Variants in BRCA1 observed in about 807,000 individuals in gnomAD.
The protein encoded by BRCA1 is BRCA1 DNA repair associated, also known as breast cancer type 1 susceptibility protein.
In BRCA1, 140 loss-of-function variants were observed where a neutral mutation model predicts 173.7. The observed-to-expected ratio is 0.81, with a 90% CI of 0.70 to 0.93. The LOEUF (loss-of-function observed/expected upper bound fraction) is 0.93. Among genes scored for constraint, BRCA1 ranks in the 40% least tolerant of loss-of-function variants. The pLI, the probability that BRCA1 is intolerant of heterozygous loss-of-function variation, is 0.00. For synonymous variants in BRCA1, 662 were observed against 756.0 expected (o/e 0.88, Z 2.04); for missense variants, 1,983 against 2,172.5 (o/e 0.91, Z 1.73).
At chr17:43,103,980 G>A (rs2054601114) in intron 6 of BRCA1, 142 bp downstream of exon 6, 5 of 1,040,474 alleles carry the variant, frequency 4.8e-6, no homozygotes, top group Non-Finnish European at 7.1e-6. Flanking sequence ...GGTGGCGCGT[G>A]CCTGTAATCC....
chr17:43,079,401 T>A, intron 12 of BRCA1: 1 of 1,595,740 alleles, frequency 6.3e-7, no homozygotes, highest in Middle Eastern at 1.7e-4. Flanking sequence ...TATGCGAATC[T>A]GTAAGAAAGG....
At chr17:43,116,963 C>G (rs574464034) in intron 2 of BRCA1, among the ~76,000 whole-genome samples, 1 of 152,330 alleles carries the variant, frequency 6.6e-6, no homozygotes, top group Admixed American at 6.5e-5. Context: ...ACTTGTTCCT[C>G]TAGCCTTATT....
chr17:43,170,003 C>A, intron 1 of BRCA1: 1 of 464,546 alleles, frequency 2.2e-6, no homozygotes. Context: ...TGATCTTATC[C>A]TCCGTAAAGG....
Position 43,093,444 on chromosome 17 carries a change from G to C in BRCA1, c.2087C>G (p.Thr696Ser), listed in dbSNP as rs1334969117. Residue 696 changes from threonine to serine, a missense_variant, in exon 10 of 23, where the codon ACT becomes AGT. Physicochemically the swap from Thr to Ser is moderately conservative, Grantham distance 58 (BLOSUM62 1). Transcript: ENST00000357654. ...ATTTGTTAACTTCAGCTCTGGGAAA[G>C]TATCGCTGTCATGTCTTTTACTTGT... The part of the protein sequence containing the change: ...EQTSKRHDSD[T>S]FPELKLTNAP... 6.2e-7 allele frequency: 1 copy of C among 1,614,054 alleles called. No homozygotes were observed. The highest frequency in any genetic ancestry group is 8.5e-7 in the Non-Finnish European group (1 of 1,179,968).
Position 43,091,942 on chromosome 17 carries a change from G to A in BRCA1, c.3589C>T (p.His1197Tyr), listed in dbSNP as rs2154300713. The change falls in exon 10 of 23, where the codon CAT becomes TAT. Residue 1197 changes from histidine to tyrosine, a missense_variant. His to Tyr is a moderately conservative substitution (Grantham distance 83, BLOSUM62 2). Coordinates refer to ENST00000357654, the MANE Select transcript of BRCA1 (RefSeq NM_007294.4). Reference protein sequence around the residue: ...SRSPSPFTHTHLAQGYRRGAK... With the variant: ...SRSPSPFTHTYLAQGYRRGAK... ...CCTCTTCGGTAACCCTGAGCCAAATGTGTATGGGTGAAAGGGCTAGGACTC... is the reference window on the plus strand; with the variant it reads ...CCTCTTCGGTAACCCTGAGCCAAATATGTATGGGTGAAAGGGCTAGGACTC... The A allele has an allele frequency of 2.5e-6, 4 of 1,614,126 alleles. No homozygotes were observed. Among genetic ancestry groups the A allele is most frequent in the Non-Finnish European group, 3.4e-6 (4 of 1,180,010 alleles).
chr17:43,055,246 T>G (rs556307724), intron 19 of BRCA1, among the ~76,000 whole-genome samples: 17 of 152,360 alleles, frequency 1.1e-4, no homozygotes, highest in African/African-American at 4.1e-4. Flanking sequence ...GAGAAAGTCA[T>G]TGAGTCTTCT....
At chr17:43,165,957 G>A (rs879356734) in intron 1 of BRCA1, 7 of 151,918 alleles carry the variant, frequency 4.6e-5, no homozygotes, top group Admixed American at 1.3e-4. Context: ...AACCTTCTAA[G>A]TTTGGGATTT....
At chr17:43,123,078 A>G (rs1157899424) in intron 2 of BRCA1, among the ~76,000 whole-genome samples, 2 of 151,608 alleles carry the variant, frequency 1.3e-5, no homozygotes, top group African/African-American at 4.8e-5. Flanking sequence ...AAAAAATACA[A>G]AAATTAGCTG....
chr17:43,105,054 A>G (rs2154552996), intron 4 of BRCA1, 98 bp from the exon 5 acceptor site: 5 of 964,032 alleles, frequency 5.2e-6, no homozygotes, highest in African/African-American at 1.6e-5. Context: ...TAAAAATAAG[A>G]TGCAGCAACA....
intron 1 of BRCA1, chr17:43,162,557 A>C (rs965294605): frequency 1.3e-5 from 2 of 152,162 alleles, no homozygotes; most frequent in African/African-American, 4.8e-5. Context: ...TTATACAAAC[A>C]AGTTATTTTT....
At chr17:43,065,789 A>G (rs2052044081) in intron 16 of BRCA1, among the ~76,000 whole-genome samples, 1 of 152,202 alleles carries the variant, frequency 6.6e-6, no homozygotes, top group East Asian at 1.9e-4. Context: ...TGCGTCCTCC[A>G]TGCACTCGTC....
intron 3 of BRCA1, chr17:43,110,587 CAA>C (rs201518255): frequency 0.055 from 14,408 of 262,892 alleles, no homozygotes; most frequent in South Asian, 0.084. Flanking sequence ...GACCCTGTCT[CAA>C]AAAAAAAAAA....
chr17:43,076,875 G>T (rs2052758807), intron 12 of BRCA1, among the ~76,000 whole-genome samples: 1 of 151,416 alleles, frequency 6.6e-6, no homozygotes, highest in South Asian at 2.1e-4. Flanking sequence ...ACCCAGCTGA[G>T]ACAAGGCTGA....
rs537703484 is a variant in BRCA1 at position 43,044,427 on chromosome 17, A to G, written c.*1251T>C. ...GGAAGACCTAGTCCTTCCAACAGCT[A>G]TAAACAGTCCTGGATAATGGGTTTA... On this transcript the variant is annotated 3_prime_UTR_variant, in exon 23 of 23. Transcript: ENST00000357654. The G allele has an allele frequency of 3.9e-6, 2 of 507,098 alleles. No individual in the cohort carries two copies. The highest frequency in any genetic ancestry group is 8.8e-5 in the East Asian group (2 of 22,726). 31.4% of individuals were successfully genotyped at this position (507,098 alleles called of 1,614,324 possible). A position where few individuals can be genotyped will look rare whatever the true frequency, so the allele number is the denominator to read the frequency against.
intron 5 of BRCA1, among the ~76,000 whole-genome samples, chr17:43,104,469 C>G (rs2054652008): frequency 6.6e-6 from 1 of 152,060 alleles, no homozygotes; most frequent in African/African-American, 2.4e-5. Context: ...CACAGACCAT[C>G]AAAGTTATTT....
chr17:43,079,209 G>A, intron 12 of BRCA1: 2 of 758,910 alleles, frequency 2.6e-6, no homozygotes, highest in East Asian at 2.6e-5. Context: ...CAAAAAAAAT[G>A]AAAGGCAGAG....
At chr17:43,131,218 C>A (rs560954044) in intron 1 of BRCA1, 6 of 292,996 alleles carry the variant, frequency 2.0e-5, no homozygotes, top group South Asian at 2.0e-4. Context: ...GTAAAAGTTT[C>A]ATTTGATCTG....
rs80358104 is a variant in BRCA1 at position 43,090,934 on chromosome 17, C to G, written c.4185+10G>C. ...ACACACGCATGTGCACACACACACA[C>G]GCTTTTTACCTGAGTGGTTAAAATG... On this transcript the variant is annotated intron_variant, in intron 11 of 22. Coordinates refer to ENST00000357654, the MANE Select transcript of BRCA1 (RefSeq NM_007294.4). 2.2e-5 allele frequency: 36 copies of G among 1,603,480 alleles called. No homozygotes were observed. The highest frequency in any genetic ancestry group is 2.8e-5 in the Non-Finnish European group (33 of 1,173,956).
intron 19 of BRCA1, among the ~76,000 whole-genome samples, chr17:43,051,513 A>G (rs1434096056): frequency 6.6e-6 from 1 of 152,190 alleles, no homozygotes; most frequent in East Asian, 1.9e-4. Context: ...GGATGGCTAG[A>G]AACTCAAAGT....
Sources: gnomAD v4.1 joint callset for allele counts (sites outside exome capture counted in the v4.1 genomes callset) on GRCh38, gnomAD v4.1.1 for gene constraint, MANE v1.5 for transcripts, NCBI Gene and HGNC (gene_info 2026-07-23, HGNC 2026-07-21) for gene names.